The following COMMD1 variants were observed in gnomAD, a reference collection of about 807,000 sequenced individuals.
COMMD1 encodes COMM domain-containing protein 1.
Under a neutral mutation model 17.2 loss-of-function variants are expected in COMMD1, and 10 were observed. The ratio of observed to expected loss-of-function variants is 0.58; its 90% confidence interval spans 0.36 to 0.99. COMMD1 has a LOEUF of 0.99. COMMD1 is among the 50% of genes least tolerant of loss of function. The probability of loss-of-function intolerance (pLI) is 0.01; values close to 1 mark genes in which losing one functional copy is unlikely to be tolerated. For synonymous variants in COMMD1, 97 were observed against 91.6 expected, an observed-to-expected ratio of 1.06 and a Z score of -0.34; for missense variants, 270 against 231.8, an observed-to-expected ratio of 1.17 and a Z score of -1.07.
intron 2 of COMMD1, among the ~76,000 whole-genome samples, chr2:62,114,853 G>C (rs1274901011): frequency 6.6e-6 from 1 of 152,186 alleles, no homozygotes; most frequent in African/African-American, 2.4e-5. Context: ...TAGGAAGATC[G>C]AGGAAGCAGG....
At chr2:61,989,789 C>T (rs2103775803) in intron 1 of COMMD1, among the ~76,000 whole-genome samples, 1 of 152,250 alleles carries the variant, frequency 6.6e-6, no homozygotes, top group Non-Finnish European at 1.5e-5. Context: ...CACTGTATTC[C>T]ATAGTTTTGC....
At chr2:61,888,614 C>G, upstream of COMMD1, 1 of 1,337,060 alleles carries the variant, frequency 7.5e-7, no homozygotes, top group Non-Finnish European at 1.0e-6. Context: ...ACGAACCTTC[C>G]AGAAAGCGGC....
At chr2:61,897,918 A>AC (rs1474918244) in intron 1 of COMMD1, among the ~76,000 whole-genome samples, 1 of 152,070 alleles carries the variant, frequency 6.6e-6, no homozygotes, top group Non-Finnish European at 1.5e-5. Context: ...ATATATAGGG[A>AC]CGAGTTATTT....
intron 2 of COMMD1, among the ~76,000 whole-genome samples, chr2:62,046,519 G>A (rs1218896853): frequency 1.3e-5 from 2 of 152,192 alleles, no homozygotes; most frequent in Non-Finnish European, 2.9e-5. Flanking sequence ...ACATCATGGT[G>A]TTCATTATAT....
At chr2:62,088,054 A>G (rs1422091830) in intron 2 of COMMD1, among the ~76,000 whole-genome samples, 1 of 152,100 alleles carries the variant, frequency 6.6e-6, no homozygotes, top group African/African-American at 2.4e-5. Context: ...TTTATTTCTC[A>G]TCCAATTCAC....
chr2:61,990,890 A>AT lies in COMMD1; in HGVS notation c.181-9811_181-9810insT, dbSNP rs1172435874. 9.4e-4 allele frequency among the ~76,000 whole-genome samples: 84 copies of AT among 89,572 alleles called. 1 individual carries two copies. The highest frequency in any genetic ancestry group is 1.3e-3 in the Non-Finnish European group (66 of 49,540). 58.8% of individuals were successfully genotyped at this position (89,572 alleles called of 152,430 possible). A position where few individuals can be genotyped will look rare whatever the true frequency, so the allele number is the denominator to read the frequency against. ...ACTCTGTCTTTACAAAAAAAAAAAAAAATATATATATATACACACACACAC... is the reference window on the plus strand; with the variant it reads ...ACTCTGTCTTTACAAAAAAAAAAAAATAATATATATATATACACACACACAC... On this transcript the variant is annotated intron_variant, in intron 1 of 2. Transcript: ENST00000311832.
upstream of COMMD1, chr2:61,888,519 C>G: frequency 6.2e-7 from 1 of 1,610,348 alleles, no homozygotes; most frequent in Non-Finnish European, 8.5e-7. Context: ...GCAAACTCCG[C>G]TGTGTCTGGG....
At chr2:61,945,092 A>G (rs1670872547) in intron 1 of COMMD1, among the ~76,000 whole-genome samples, 1 of 152,198 alleles carries the variant, frequency 6.6e-6, no homozygotes, top group South Asian at 2.1e-4. Context: ...ACAAAAACCC[A>G]ACAATATGAT....
At chr2:61,917,565 T>C (rs1004658282) in intron 1 of COMMD1, among the ~76,000 whole-genome samples, 1 of 152,138 alleles carries the variant, frequency 6.6e-6, no homozygotes, top group African/African-American at 2.4e-5. Context: ...TCTCGCTGTG[T>C]CTCCCAGGTT....
intron 2 of COMMD1, among the ~76,000 whole-genome samples, chr2:62,059,399 T>C (rs1670794440): frequency 6.6e-6 from 1 of 152,166 alleles, no homozygotes; most frequent in African/African-American, 2.4e-5. Flanking sequence ...CAAGCGATCC[T>C]CCCACCTTGG....
chr2:62,026,398 CT>C (rs1202330371), intron 2 of COMMD1, among the ~76,000 whole-genome samples: 1 of 152,158 alleles, frequency 6.6e-6, no homozygotes, highest in Non-Finnish European at 1.5e-5. Flanking sequence ...GTGCCACACA[CT>C]TTTAAATGAC....
chr2:61,942,796 C>T (rs551623132), intron 1 of COMMD1, among the ~76,000 whole-genome samples: 1 of 152,208 alleles, frequency 6.6e-6, no homozygotes, highest in African/African-American at 2.4e-5. Flanking sequence ...CCTCAGCCTC[C>T]CAAAGTGCTG....
At chr2:61,983,581 A>G (rs969280586) in intron 1 of COMMD1, among the ~76,000 whole-genome samples, 4 of 152,070 alleles carry the variant, frequency 2.6e-5, no homozygotes, top group African/African-American at 7.2e-5. Context: ...GGTTGGTTGT[A>G]TGTGTCTAGG....
rs935653352 is a variant in COMMD1 at position 61,916,764 on chromosome 2, T to A, written c.180+10906T>A. Among the ~76,000 whole-genome samples the A allele has an allele frequency of 2.6e-5, 4 of 152,258 alleles. No homozygotes were observed. In the East Asian group the frequency reaches 5.8e-4, roughly 22 times the overall value. ...TTTAAAAATTTAATCGTCTCAACTG[T>A]GATTTTAAAATGCAGTATTTGGAAT... On this transcript the variant is annotated intron_variant, in intron 1 of 2. Transcript: ENST00000311832.
chr2:61,966,135 C>A (rs968906304), intron 1 of COMMD1, among the ~76,000 whole-genome samples: 2 of 152,196 alleles, frequency 1.3e-5, no homozygotes, highest in African/African-American at 4.8e-5. Context: ...ATGTATTTAA[C>A]CAGAGTCCAC....
intron 2 of COMMD1, among the ~76,000 whole-genome samples, chr2:62,103,145 AT>A (rs1672232195): frequency 6.6e-6 from 1 of 151,966 alleles, no homozygotes; most frequent in African/African-American, 2.4e-5. Flanking sequence ...CGCCTGGCTA[AT>A]TTTTTGTATT....
intron 2 of COMMD1, among the ~76,000 whole-genome samples, chr2:62,104,633 C>CAAAAAA (rs35679940): frequency 1.1e-3 from 83 of 76,312 alleles, no homozygotes; most frequent in Non-Finnish European, 1.4e-3. Context: ...GACTCCGTCT[C>CAAAAAA]AAAAAAAAAA....
At chr2:62,026,739 C>A (rs1385320493) in intron 2 of COMMD1, among the ~76,000 whole-genome samples, 2 of 152,280 alleles carry the variant, frequency 1.3e-5, no homozygotes, top group Non-Finnish European at 2.9e-5. Context: ...AATCCCACTT[C>A]TGATAGTAAT....
intron 2 of COMMD1, among the ~76,000 whole-genome samples, chr2:62,041,900 G>A (rs1185654601): frequency 6.6e-6 from 1 of 152,198 alleles, no homozygotes; most frequent in Non-Finnish European, 1.5e-5. Flanking sequence ...CCCAAAGAGT[G>A]AGCAGCAGCA....
Sources: gnomAD v4.1 joint callset for allele counts (sites outside exome capture counted in the v4.1 genomes callset) on GRCh38, gnomAD v4.1.1 for gene constraint, MANE v1.5 for transcripts, NCBI Gene and HGNC (gene_info 2026-07-23, HGNC 2026-07-21) for gene names.